The following RARB variants were observed in gnomAD, a reference collection of about 807,000 sequenced individuals.
RARB encodes HBV-activated protein.
In RARB, 17 loss-of-function variants were observed where a neutral mutation model predicts 51.9. The observed-to-expected ratio is 0.33, with a 90% CI of 0.22 to 0.49. The LOEUF (loss-of-function observed/expected upper bound fraction) is 0.49, where lower values mean the gene tolerates loss of function less well. Ranked by LOEUF, RARB falls within the 20% of genes least tolerant of loss-of-function variation. RARB has a pLI of 0.99. For synonymous variants in RARB, 215 were observed against 195.4 expected (o/e 1.10, Z -0.84); for missense variants, 369 against 550.8 (o/e 0.67, Z 3.30).
chr3:24,972,250 T>A (rs1696416342), intron 2 of RARB, among the ~76,000 whole-genome samples: 1 of 152,040 alleles, frequency 6.6e-6, no homozygotes, highest in Non-Finnish European at 1.5e-5. Flanking sequence ...ATATTTGTCT[T>A]TCTGTGCCTC....
At chr3:25,225,599 A>T (rs2125387128) in intron 5 of RARB, among the ~76,000 whole-genome samples, 1 of 152,318 alleles carries the variant, frequency 6.6e-6, no homozygotes, top group African/African-American at 2.4e-5. Flanking sequence ...AAAATAGGAT[A>T]TTGATAGAAC....
chr3:25,458,640 G>T (rs957613249), intron 1 of RARB, among the ~76,000 whole-genome samples: 2 of 152,064 alleles, frequency 1.3e-5, no homozygotes, highest in African/African-American at 2.4e-5. Context: ...CTTCCTATCT[G>T]CCAGAAATAA....
At position 24,892,220 on chromosome 3, in the gene RARB, G is replaced by GAA. The variant is rs35087864; in HGVS notation, c.-380+33482_-380+33483dup. Among the ~76,000 whole-genome samples, 11 of 135,618 alleles carry GAA rather than the reference G, an allele frequency of 8.1e-5. No homozygotes were observed. In the South Asian group the frequency reaches 2.1e-3, roughly 26 times the overall value. 89.0% of individuals were successfully genotyped at this position (135,618 alleles called of 152,430 possible). A position where few individuals can be genotyped will look rare whatever the true frequency, so the allele number is the denominator to read the frequency against. On this transcript the variant is annotated intron_variant, in intron 2 of 11. Coordinates refer to the RARB transcript ENST00000383772. Reference sequence around the variant, plus strand: ...TCTAATTCACTTGAATGCCCTCTTAGAAAAAAAAAAAAAAAGGGATGTAGG... The same window carrying GAA: ...TCTAATTCACTTGAATGCCCTCTTAGAAAAAAAAAAAAAAAAAGGGATGTAGG...
At chr3:25,432,562 T>C (rs905008284) in intron 1 of RARB, among the ~76,000 whole-genome samples, 1 of 152,186 alleles carries the variant, frequency 6.6e-6, no homozygotes, top group Non-Finnish European at 1.5e-5. Flanking sequence ...GGCGCTGATA[T>C]ATACAACCGA....
intron 2 of RARB, among the ~76,000 whole-genome samples, chr3:25,498,269 C>T (rs961398235): frequency 2.0e-5 from 3 of 152,058 alleles, no homozygotes; most frequent in African/African-American, 7.2e-5. Context: ...GCCCCCACCC[C>T]CTACCCGCCA....
intron 5 of RARB, among the ~76,000 whole-genome samples, chr3:25,397,553 C>T (rs968987698): frequency 9.9e-5 from 15 of 152,152 alleles, no homozygotes; most frequent in Non-Finnish European, 2.1e-4. Flanking sequence ...AGTCCTGCCT[C>T]CTAGCCAACA....
At chr3:25,458,639 T>C (rs1695027922) in intron 1 of RARB, among the ~76,000 whole-genome samples, 1 of 152,172 alleles carries the variant, frequency 6.6e-6, no homozygotes, top group African/African-American at 2.4e-5. Flanking sequence ...GCTTCCTATC[T>C]GCCAGAAATA....
chr3:25,222,369 T>C (rs1275583152), intron 5 of RARB, among the ~76,000 whole-genome samples: 4 of 152,322 alleles, frequency 2.6e-5, no homozygotes, highest in East Asian at 1.9e-4. Context: ...CGTCCAAGGA[T>C]GTTTGACTTT....
At chr3:25,371,585 G>A (rs370268215) in intron 5 of RARB, among the ~76,000 whole-genome samples, 34 of 152,346 alleles carry the variant, frequency 2.2e-4, no homozygotes, top group African/African-American at 8.2e-4. Context: ...ATTTAGAGAT[G>A]AGGAGGGCAC....
At chr3:25,142,917 A>G (rs1379968298) in intron 4 of RARB, among the ~76,000 whole-genome samples, 1 of 152,138 alleles carries the variant, frequency 6.6e-6, no homozygotes, top group East Asian at 1.9e-4. Flanking sequence ...TGGATGGCTG[A>G]TCCAGTCTCA....
In RARB at chr3:25,594,531, C is replaced by T; in HGVS notation, c.1003C>T (p.Leu335Phe). 6.2e-7 allele frequency: 1 copy of T among 1,609,604 alleles called. No individual in the cohort carries two copies. The highest frequency in any genetic ancestry group is 8.5e-7 in the Non-Finnish European group (1 of 1,178,574). The stretch of plus-strand genomic sequence containing the variant: ...TTCCTGGTATCCAGACCGCCAGGAC[C>T]TTGAGGAACCGACAAAAGTAGATAA... ...ICLICGDRQDLEEPTKVDKLQ... is the reference protein window; with the variant it reads ...ICLICGDRQDFEEPTKVDKLQ... The change falls in exon 7 of 8, where the codon CTT becomes TTT. Residue 335 changes from leucine to phenylalanine, a missense_variant. By Grantham distance (22) the Leu-to-Phe change is conservative. Transcript: ENST00000330688.
At chr3:25,289,522 G>A (rs1327108817) in intron 5 of RARB, among the ~76,000 whole-genome samples, 1 of 152,154 alleles carries the variant, frequency 6.6e-6, no homozygotes, top group Admixed American at 6.5e-5. Flanking sequence ...CAACAAAATG[G>A]CATGCCATCA....
chr3:25,080,707 A>G (rs1241734706), intron 3 of RARB, among the ~76,000 whole-genome samples: 1 of 152,074 alleles, frequency 6.6e-6, no homozygotes, highest in East Asian at 1.9e-4. Flanking sequence ...ATTTTTTTAC[A>G]TTCTTTGGAG....
chr3:24,857,640 G>A (rs940452355), intron 1 of RARB, among the ~76,000 whole-genome samples: 2 of 152,146 alleles, frequency 1.3e-5, no homozygotes, highest in Non-Finnish European at 2.9e-5. Flanking sequence ...TTCGACTTCA[G>A]TGCAGTAGCT....
chr3:25,419,241 G>T (rs779622452), intron 5 of RARB, among the ~76,000 whole-genome samples: 1 of 152,130 alleles, frequency 6.6e-6, no homozygotes, highest in African/African-American at 2.4e-5. Flanking sequence ...TGACATGAGG[G>T]TCTGATGACC....
intron 3 of RARB, among the ~76,000 whole-genome samples, chr3:25,096,515 T>A (rs1699294713): frequency 6.6e-6 from 1 of 152,200 alleles, no homozygotes; most frequent in East Asian, 1.9e-4. Context: ...TTTAGTAAGT[T>A]ATCTATTTTT....
At chr3:24,860,562 C>T (rs1702731831) in intron 2 of RARB, among the ~76,000 whole-genome samples, 1 of 152,124 alleles carries the variant, frequency 6.6e-6, no homozygotes, top group Admixed American at 6.5e-5. Flanking sequence ...CAAACCCATC[C>T]ACTGCTGCTC....
At chr3:25,386,994 A>G (rs920445085) in intron 5 of RARB, among the ~76,000 whole-genome samples, 2 of 152,208 alleles carry the variant, frequency 1.3e-5, no homozygotes, top group African/African-American at 4.8e-5. Context: ...GCAACAGTGA[A>G]CAGAGGTGCT....
intron 3 of RARB, among the ~76,000 whole-genome samples, chr3:25,506,562 G>A (rs1168899814): frequency 6.6e-6 from 1 of 152,022 alleles, no homozygotes; most frequent in Non-Finnish European, 1.5e-5. Flanking sequence ...GCTGCAATGA[G>A]CCATTTTCAT....
Sources: allele counts gnomAD v4.1 joint callset (sites outside exome capture counted in the v4.1 genomes callset), GRCh38; gene constraint gnomAD v4.1.1; transcripts MANE v1.5; gene names NCBI Gene and HGNC (gene_info 2026-07-23, HGNC 2026-07-21).